MAMDC2: variants seen among roughly 807,000 people sequenced by gnomAD.
The protein encoded by MAMDC2 is MAM domain containing 2.
MAMDC2 carries 57 observed loss-of-function variants against 89.8 expected under a neutral mutation model. The observed-to-expected ratio is 0.63, with a 90% CI of 0.51 to 0.79. The LOEUF (loss-of-function observed/expected upper bound fraction) is 0.79, where lower values mean the gene tolerates loss of function less well. MAMDC2 is among the 30% of genes least tolerant of loss of function. The pLI is 0.00. For synonymous variants in MAMDC2, 313 were observed against 293.4 expected, an observed-to-expected ratio of 1.07 and a Z score of -0.68; for missense variants, 800 against 820.6, an observed-to-expected ratio of 0.97 and a Z score of 0.31.
intron 11 of MAMDC2, chr9:70,217,497 A>T: frequency 6.7e-7 from 1 of 1,496,224 alleles, no homozygotes. Context: ...CTTAAGTTAG[A>T]AAGGCTCAAC....
At chr9:70,100,113 GAGGATGC>G (rs1478466228) in intron 2 of MAMDC2, among the ~76,000 whole-genome samples, 2 of 151,966 alleles carry the variant, frequency 1.3e-5, no homozygotes, top group Non-Finnish European at 1.5e-5. Flanking sequence ...ACCATCAGAA[GAGGATGC>G]TGATCATCTA....
At chr9:70,044,279 C>T (rs765241543) in intron 1 of MAMDC2, 48 bp downstream of exon 1, 3 of 1,594,968 alleles carry the variant, frequency 1.9e-6, no homozygotes, top group East Asian at 2.2e-5. Flanking sequence ...TGACGACTCG[C>T]CCCCGCTCCT....
chr9:70,115,297 C>CAA (rs919124946), intron 5 of MAMDC2, among the ~76,000 whole-genome samples: 1 of 142,940 alleles, frequency 7.0e-6, no homozygotes, highest in East Asian at 2.0e-4. Context: ...TGAGATAAGA[C>CAA]AAAAAAAAAA....
At chr9:70,081,283 T>C (rs554977193) in intron 2 of MAMDC2, among the ~76,000 whole-genome samples, 1 of 152,168 alleles carries the variant, frequency 6.6e-6, no homozygotes, top group Middle Eastern at 3.4e-3. Flanking sequence ...GATGTTTATC[T>C]TGGGCTCAAG....
chr9:70,126,222 C>A lies in MAMDC2; in HGVS notation c.707C>A (p.Ser236Tyr), dbSNP rs1392711944. Residue 236 changes from serine to tyrosine, a missense_variant, in exon 6 of 14, where the codon TCC (serine) becomes TAC (tyrosine). Ser to Tyr is a moderately radical substitution (Grantham distance 144). Coordinates refer to ENST00000377182, the MANE Select transcript of MAMDC2 (RefSeq NM_153267.5). ...TTCCAGGAGGTGGCACAGCTCATCT[C>A]CCCGTTGACCACGGCCCCCATGGCT... is the stretch of plus-strand genomic sequence containing the variant. Reference protein sequence around the residue: ...KHFQEVAQLISPLTTAPMAGC... With the variant: ...KHFQEVAQLIYPLTTAPMAGC... 2 of 1,614,108 alleles carry A rather than the reference C, an allele frequency of 1.2e-6. No individual in the cohort carries two copies. The highest frequency in any genetic ancestry group is 2.2e-5 in the South Asian group (2 of 91,074).
chr9:70,047,295 C>T (rs2117960183), intron 2 of MAMDC2, among the ~76,000 whole-genome samples: 1 of 152,008 alleles, frequency 6.6e-6, no homozygotes, highest in East Asian at 1.9e-4. Flanking sequence ...ATCATCCCGT[C>T]ATCTAGGTTT....
At chr9:70,166,346 TAC>T (rs946616064) in intron 9 of MAMDC2, among the ~76,000 whole-genome samples, 6 of 150,328 alleles carry the variant, frequency 4.0e-5, no homozygotes, top group Non-Finnish European at 8.9e-5. Flanking sequence ...CACATATATA[TAC>T]ACACACACAC....
At chr9:70,070,149 C>T (rs1416211846) in intron 2 of MAMDC2, among the ~76,000 whole-genome samples, 2 of 152,168 alleles carry the variant, frequency 1.3e-5, no homozygotes, top group Admixed American at 6.5e-5. Flanking sequence ...CTTGAGCTTC[C>T]TAAGAAATAT....
At chr9:70,171,855 C>G (rs549272975) in intron 11 of MAMDC2, 22 of 152,236 alleles carry the variant, frequency 1.4e-4, no homozygotes, top group African/African-American at 5.3e-4. Flanking sequence ...AAAAAAAATT[C>G]TCATAATGTT....
intron 4 of MAMDC2, among the ~76,000 whole-genome samples, chr9:70,112,654 G>C (rs1028152135): frequency 1.3e-5 from 2 of 152,058 alleles, no homozygotes; most frequent in African/African-American, 4.8e-5. Context: ...ACTATGCTGG[G>C]AGCTCTCCAC....
rs534592833 is a variant in MAMDC2 at position 70,104,812 on chromosome 9, G to A, written c.149-3399G>A. Among the ~76,000 whole-genome samples the A allele has an allele frequency of 6.5e-4, 99 of 152,230 alleles. No homozygotes were observed. The Middle Eastern group carries it at 0.014, about 21-fold the overall frequency. On this transcript the variant is annotated intron_variant, in intron 2 of 13. Coordinates refer to ENST00000377182, the MANE Select transcript of MAMDC2 (RefSeq NM_153267.5). Reference sequence around the variant, plus strand: ...GGAGAATGAGGGATGACTGCTAATGGATACAGGGTTTCCTTTTGGGGTTAT... The same window carrying A: ...GGAGAATGAGGGATGACTGCTAATGAATACAGGGTTTCCTTTTGGGGTTAT...
chr9:70,211,709 T>A (rs190003988), intron 11 of MAMDC2, among the ~76,000 whole-genome samples: 10 of 152,328 alleles, frequency 6.6e-5, no homozygotes, highest in Admixed American at 6.5e-4. Context: ...GTGCTCTGAT[T>A]TTTAGAATTT....
chr9:70,182,721 T>A (rs1452702216), intron 11 of MAMDC2, among the ~76,000 whole-genome samples: 1 of 152,212 alleles, frequency 6.6e-6, no homozygotes, highest in Non-Finnish European at 1.5e-5. Flanking sequence ...TCATTTTTTA[T>A]TGCATCTATT....
chr9:70,179,528 A>AAAT (rs202213777), intron 11 of MAMDC2, among the ~76,000 whole-genome samples: 169 of 85,122 alleles, frequency 2.0e-3, no homozygotes, highest in Middle Eastern at 5.7e-3. Context: ...CGTCTCAAAA[A>AAAT]AAATAAATAA....
chr9:70,068,450 G>T (rs548151319), intron 2 of MAMDC2, among the ~76,000 whole-genome samples: 1 of 152,226 alleles, frequency 6.6e-6, no homozygotes, highest in Non-Finnish European at 1.5e-5. Context: ...AGGTACAGTG[G>T]CTCATGCCTG....
At chr9:70,088,608 G>A (rs915690994) in intron 2 of MAMDC2, 1 of 151,360 alleles carries the variant, frequency 6.6e-6, no homozygotes, top group Non-Finnish European at 1.5e-5. Context: ...GGGGGCATGT[G>A]GCCATAGTTT....
intron 2 of MAMDC2, among the ~76,000 whole-genome samples, chr9:70,074,099 C>T (rs1827472523): frequency 6.6e-6 from 1 of 152,196 alleles, no homozygotes; most frequent in Non-Finnish European, 1.5e-5. Context: ...CCCTTAATAG[C>T]TTTAAATGAA....
chr9:70,145,669 T>C (rs2031381206), intron 9 of MAMDC2, among the ~76,000 whole-genome samples: 1 of 152,168 alleles, frequency 6.6e-6, no homozygotes, highest in Non-Finnish European at 1.5e-5. Context: ...CTATGTCCTA[T>C]TTTGCTGATT....
chr9:70,112,921 C>T lies in MAMDC2; in HGVS notation c.506-74C>T. The T allele has an allele frequency of 2.5e-6, 4 of 1,569,830 alleles. No individual in the cohort carries two copies. In the East Asian group the frequency reaches 9.0e-5, roughly 35 times the overall value. ...AGAGAAACTTCTGAATATCTAAGAGCAAACTCTGTAGTAGGATGCGTGTAC... is the reference window on the plus strand; with the variant it reads ...AGAGAAACTTCTGAATATCTAAGAGTAAACTCTGTAGTAGGATGCGTGTAC... On this transcript the variant is annotated intron_variant, in intron 4 of 13. Coordinates refer to ENST00000377182, the MANE Select transcript of MAMDC2 (RefSeq NM_153267.5).
Sources: allele counts gnomAD v4.1 joint callset (sites outside exome capture counted in the v4.1 genomes callset), GRCh38; gene constraint gnomAD v4.1.1; transcripts MANE v1.5; gene names NCBI Gene and HGNC (gene_info 2026-07-23, HGNC 2026-07-21).